CYRIB: variants seen among roughly 807,000 people sequenced by gnomAD.
CYRIB encodes CYFIP related Rac1 interactor B.
CYRIB carries 8 observed loss-of-function variants against 44.2 expected under a neutral mutation model. The ratio of observed to expected loss-of-function variants is 0.18; its 90% CI spans 0.11 to 0.33. The LOEUF (loss-of-function observed/expected upper bound fraction) is 0.33. CYRIB is among the 10% of genes least tolerant of loss of function. The pLI is 1.00. For synonymous variants in CYRIB, 131 were observed against 127.2 expected (o/e 1.03, Z -0.20); for missense variants, 185 against 382.8 (o/e 0.48, Z 4.31).
chr8:129,907,821 G>C (rs1174376059), intron 1 of CYRIB, among the ~76,000 whole-genome samples: 1 of 152,120 alleles, frequency 6.6e-6, no homozygotes, highest in Non-Finnish European at 1.5e-5. Flanking sequence ...GGCCAACATG[G>C]CGAAACCCCA....
chr8:129,889,203 A>G (rs1187173741), intron 2 of CYRIB, among the ~76,000 whole-genome samples: 7 of 152,226 alleles, frequency 4.6e-5, no homozygotes, highest in Admixed American at 4.6e-4. Flanking sequence ...TGTTTACAGC[A>G]TGGTGTACTC....
rs34764499 is a variant in CYRIB at position 129,883,112 on chromosome 8, C to CAAA, written c.-10-3644_-10-3642dup. ...TAGGCAACAGAGCTAGACTCCCTCT[C>CAAA]AAAAAAAAAAAAAAAAAAAAAAAAA... On this transcript the variant is annotated intron_variant, in intron 2 of 11. Coordinates refer to ENST00000519824, the Ensembl canonical transcript of CYRIB. Among the ~76,000 whole-genome samples, 48 of 41,252 alleles carry CAAA rather than the reference C, an allele frequency of 1.2e-3. 3 individuals are homozygous for CAAA. The highest frequency in any genetic ancestry group is 3.8e-3 in the African/African-American group (39 of 10,350). The allele number at this position is 41,252 out of a possible 152,430, so 27.1% of individuals were successfully genotyped here.
chr8:129,999,297 A>G (rs945093662), intron 1 of CYRIB, among the ~76,000 whole-genome samples: 1 of 152,090 alleles, frequency 6.6e-6, no homozygotes, highest in African/African-American at 2.4e-5. Flanking sequence ...CCTGCAACAC[A>G]CCAAACATGC....
intron 2 of CYRIB, among the ~76,000 whole-genome samples, chr8:129,902,476 T>A (rs1464356982): frequency 6.6e-6 from 1 of 152,140 alleles, no homozygotes; most frequent in Admixed American, 6.6e-5. Context: ...CACCTCGGCC[T>A]CCCAAAGTGC....
At chr8:129,975,140 A>G (rs2095863368) in intron 1 of CYRIB, among the ~76,000 whole-genome samples, 1 of 151,862 alleles carries the variant, frequency 6.6e-6, no homozygotes, top group African/African-American at 2.4e-5. Context: ...CAGCCTCCCA[A>G]AGTGCTGGGA....
rs528740295 is a variant in CYRIB at position 129,986,631 on chromosome 8, A to G, written c.-295-15636T>C. On this transcript the variant is annotated intron_variant, in intron 1 of 14. Transcript: ENST00000401979. ...CTAGCACGAGCTCTCTCAGCCCCTC[A>G]CCATGTGATGCTCTGCACAGCCTCG... Among the ~76,000 whole-genome samples the G allele has an allele frequency of 7.2e-5, 11 of 152,260 alleles. No individual in the cohort carries two copies. The East Asian group carries it at 1.9e-3, about 27-fold the overall frequency.
intron 1 of CYRIB, among the ~76,000 whole-genome samples, chr8:129,971,920 T>C (rs1213972538): frequency 6.6e-6 from 1 of 152,188 alleles, no homozygotes; most frequent in Non-Finnish European, 1.5e-5. Context: ...CAGCAGTTAG[T>C]GTGAAGATCT....
chr8:129,855,502 A>T, intron 6 of CYRIB, 109 bp downstream of exon 8: 3 of 1,201,172 alleles, frequency 2.5e-6, no homozygotes, highest in Non-Finnish European at 3.6e-6. Context: ...ATTAAGGTCT[A>T]GCAGACATCA....
chr8:129,993,297 G>A (rs1193573548), intron 1 of CYRIB, among the ~76,000 whole-genome samples: 1 of 152,094 alleles, frequency 6.6e-6, no homozygotes, highest in African/African-American at 2.4e-5. Flanking sequence ...GGAGGCTGAG[G>A]CAGGAGAATC....
At chr8:129,884,383 G>A (rs1045360007) in intron 2 of CYRIB, among the ~76,000 whole-genome samples, 1 of 152,056 alleles carries the variant, frequency 6.6e-6, no homozygotes, top group African/African-American at 2.4e-5. Flanking sequence ...TCGCCTCCCA[G>A]GTTCAAGTGA....
intron 1 of CYRIB, among the ~76,000 whole-genome samples, chr8:130,014,322 T>G (rs1486606021): frequency 6.6e-6 from 1 of 152,126 alleles, no homozygotes; most frequent in Non-Finnish European, 1.5e-5. Context: ...CCCAGCTACT[T>G]GGGAGGCTGA....
At chr8:129,878,399 A>C (rs1164489359) in intron 3 of CYRIB, among the ~76,000 whole-genome samples, 1 of 152,220 alleles carries the variant, frequency 6.6e-6, no homozygotes, top group African/African-American at 2.4e-5. Context: ...TTGAAGTTGG[A>C]GGAAAAGGCA....
At chr8:129,965,744 T>A (rs1050678902) in intron 2 of CYRIB, among the ~76,000 whole-genome samples, 1 of 150,890 alleles carries the variant, frequency 6.6e-6, no homozygotes, top group Non-Finnish European at 1.5e-5. Flanking sequence ...TGCAGTGAGC[T>A]GAGATCGCGC....
chr8:129,983,101 G>A (rs2096303502), intron 1 of CYRIB, among the ~76,000 whole-genome samples: 1 of 151,772 alleles, frequency 6.6e-6, no homozygotes, highest in Admixed American at 6.6e-5. Context: ...TTGAGCCCAG[G>A]CGCTCAAGAC....
At chr8:129,988,371 G>A (rs996508326) in intron 1 of CYRIB, among the ~76,000 whole-genome samples, 1 of 152,152 alleles carries the variant, frequency 6.6e-6, no homozygotes, top group African/African-American at 2.4e-5. Flanking sequence ...AAGCTTTCAG[G>A]CCCCGGGGAG....
chr8:129,972,145 T>C (rs1394341038), intron 1 of CYRIB, among the ~76,000 whole-genome samples: 1 of 152,250 alleles, frequency 6.6e-6, no homozygotes, highest in Non-Finnish European at 1.5e-5. Flanking sequence ...GAGAGAACCC[T>C]ATCTGCTGAT....
intron 2 of CYRIB, among the ~76,000 whole-genome samples, chr8:129,886,382 G>A (rs924047968): frequency 1.1e-4 from 17 of 152,130 alleles, no homozygotes; most frequent in African/African-American, 4.1e-4. Context: ...ATTATCTTGA[G>A]TTTCCTTCCT....
intron 1 of CYRIB, among the ~76,000 whole-genome samples, chr8:129,932,123 T>C (rs1467571153): frequency 6.6e-6 from 1 of 151,178 alleles, no homozygotes; most frequent in East Asian, 2.0e-4. Flanking sequence ...CTCAGCCTCC[T>C]GAGTAGCTGG....
At chr8:129,850,324 A>G (rs1194590271) in intron 9 of CYRIB, 1 of 159,626 alleles carries the variant, frequency 6.3e-6, no homozygotes, top group East Asian at 1.9e-4. Context: ...ATCATACATC[A>G]TAAATGTTTA....
Sources: gnomAD v4.1 joint callset for allele counts (sites outside exome capture counted in the v4.1 genomes callset) on GRCh38, gnomAD v4.1.1 for gene constraint, MANE v1.5 for transcripts, NCBI Gene and HGNC (gene_info 2026-07-23, HGNC 2026-07-21) for gene names.